The following JMY variants were observed in gnomAD, a reference collection of about 807,000 sequenced individuals.
The protein encoded by JMY is junction-mediating and -regulatory protein.
In JMY, 46 loss-of-function variants were observed where a neutral mutation model predicts 103.3. That is an observed-to-expected ratio of 0.45 (90% CI 0.35 to 0.57). The LOEUF (loss-of-function observed/expected upper bound fraction) is 0.57. Ranked by LOEUF, JMY falls within the 20% of genes least tolerant of loss-of-function variation. JMY has a pLI of 0.00. For synonymous variants in JMY, 526 were observed against 489.3 expected, an observed-to-expected ratio of 1.07 and a Z score of -0.99; for missense variants, 1,238 against 1,255.2, an observed-to-expected ratio of 0.99 and a Z score of 0.21.
intron 1 of JMY, among the ~76,000 whole-genome samples, chr5:79,255,252 A>G (rs529072441): frequency 6.6e-6 from 1 of 151,190 alleles, no homozygotes; most frequent in African/African-American, 2.4e-5. Context: ...ACCCACCACC[A>G]CGCCTGGCTA....
chr5:79,259,854 A>G (rs919457651), intron 1 of JMY, among the ~76,000 whole-genome samples: 20 of 152,176 alleles, frequency 1.3e-4, no homozygotes, highest in African/African-American at 4.8e-4. Flanking sequence ...GAGTGCAGAG[A>G]TGCCTGGATC....
intron 1 of JMY, among the ~76,000 whole-genome samples, chr5:79,249,405 T>C (rs1056258484): frequency 6.6e-6 from 1 of 152,204 alleles, no homozygotes; most frequent in Admixed American, 6.5e-5. Context: ...AAGGAAATGA[T>C]ATGCCAGCTC....
intron 1 of JMY, among the ~76,000 whole-genome samples, chr5:79,262,549 TTGAAA>T (rs1251395186): frequency 6.6e-6 from 1 of 152,258 alleles, no homozygotes; most frequent in African/African-American, 2.4e-5. Context: ...ATTGTATCTT[TTGAAA>T]TGAAGTTATA....
At chr5:79,252,200 T>G (rs768294188) in intron 1 of JMY, among the ~76,000 whole-genome samples, 1 of 152,240 alleles carries the variant, frequency 6.6e-6, no homozygotes, top group Non-Finnish European at 1.5e-5. Context: ...ATTTTCCTTC[T>G]TAATTTCTTC....
rs1746884340 is a variant in JMY at position 79,306,449 on chromosome 5, C to A, written c.1956C>A (p.His652Gln). The change falls in exon 7 of 11, where the codon CAC becomes CAA. Residue 652 changes from histidine to glutamine, a missense_variant. His to Gln is a conservative substitution (Grantham distance 24, BLOSUM62 0). Coordinates refer to ENST00000396137, the MANE Select transcript of JMY (RefSeq NM_152405.5). ...TRIEDEYRTHHTVQLKREKLH... is the reference protein window; with the variant it reads ...TRIEDEYRTHQTVQLKREKLH... Reference sequence around the variant, plus strand: ...TTGAAGATGAATATAGAACCCATCACACAGTACAACTAGTAAGTTTGGATT... The same window carrying A: ...TTGAAGATGAATATAGAACCCATCAAACAGTACAACTAGTAAGTTTGGATT... The A allele has an allele frequency of 6.2e-7, 1 of 1,609,456 alleles. No individual in the cohort carries two copies. Among genetic ancestry groups the A allele is most frequent in the Non-Finnish European group, 8.5e-7 (1 of 1,176,272 alleles).
chr5:79,258,716 T>C (rs1745330477), intron 1 of JMY, among the ~76,000 whole-genome samples: 1 of 151,962 alleles, frequency 6.6e-6, no homozygotes, highest in African/African-American at 2.4e-5. Flanking sequence ...GGGAATGCAG[T>C]GTGGTGCCTG....
chr5:79,281,353 ATTT>A lies in JMY; in HGVS notation c.1206+3294_1206+3296del, dbSNP rs35881012. ...GTCACTGTGCCCAGCCAAGAAATTA[ATTT>A]TTTTTTTTTTTTTTTTTTTTTTTAC... On this transcript the variant is annotated intron_variant, in intron 2 of 10. Coordinates refer to ENST00000396137, the MANE Select transcript of JMY (RefSeq NM_152405.5). Among the ~76,000 whole-genome samples the A allele has an allele frequency of 4.5e-3, 525 of 116,708 alleles. 3 individuals are homozygous for A. The highest frequency in any genetic ancestry group is 9.9e-3 in the Middle Eastern group (2 of 202). The allele number at this position is 116,708 out of a possible 152,430, so 76.6% of individuals were successfully genotyped here. A position where few individuals can be genotyped will look rare whatever the true frequency, so the allele number is the denominator to read the frequency against.
intron 1 of JMY, among the ~76,000 whole-genome samples, chr5:79,260,109 T>G (rs1745376740): frequency 6.6e-6 from 1 of 152,216 alleles, no homozygotes; most frequent in Non-Finnish European, 1.5e-5. Flanking sequence ...ATGGCAGCCC[T>G]GGCCAGCGCC....
chr5:79,257,697 T>G (rs935670865), intron 1 of JMY, among the ~76,000 whole-genome samples: 17 of 152,316 alleles, frequency 1.1e-4, no homozygotes, highest in Admixed American at 1.1e-3. Flanking sequence ...GCCACCCTGG[T>G]TTTTCTCTTT....
chr5:79,237,159 C>T lies in JMY; in HGVS notation c.509C>T (p.Pro170Leu), dbSNP rs1443965123. 4 of 1,549,072 alleles carry T rather than the reference C, an allele frequency of 2.6e-6. No homozygotes were observed. In the South Asian group the frequency reaches 4.8e-5, roughly 18 times the overall value. The part of the protein sequence containing the change: ...AAGAAAAAAR[P>L]APREAQVSSV... ...GGGGCAGCCGCTGCAGCAGCCCGGC[C>T]GGCGCCCAGAGAGGCCCAGGTGTCC... The change falls in exon 1 of 11, where the codon CCG becomes CTG. Residue 170 changes from proline (P) to leucine (L), a missense_variant. Transcript: ENST00000396137.
intron 1 of JMY, among the ~76,000 whole-genome samples, chr5:79,276,475 G>A (rs1250248451): frequency 1.3e-5 from 2 of 151,906 alleles, no homozygotes; most frequent in Non-Finnish European, 1.5e-5. Context: ...CGTCACCTAG[G>A]CTGCAGTTCT....
rs1258335706 is a variant in JMY at position 79,270,541 on chromosome 5, T to TTACA, written c.1033-7367_1033-7366insCATA. 1.4e-4 allele frequency among the ~76,000 whole-genome samples: 5 copies of TTACA among 34,860 alleles called. 1 individual carries two copies. The highest frequency in any genetic ancestry group is 6.2e-4 in the South Asian group (1 of 1,614). The allele number at this position is 34,860 out of a possible 152,430, so 22.9% of individuals were successfully genotyped here. A position where few individuals can be genotyped will look rare whatever the true frequency, so the allele number is the denominator to read the frequency against. On this transcript the variant is annotated intron_variant, in intron 1 of 10. Transcript: ENST00000396137. ...TTAAAATATATATTTACATAAATAT[T>TTACA]TAAAATGTATATTTACATAAATATT... is the stretch of plus-strand genomic sequence containing the variant.
chr5:79,275,805 T>G (rs1394009888), intron 1 of JMY, among the ~76,000 whole-genome samples: 1 of 152,236 alleles, frequency 6.6e-6, no homozygotes, highest in Admixed American at 6.5e-5. Flanking sequence ...TTTTTTGTTA[T>G]AAAAGCACTT....
intron 1 of JMY, 143 bp downstream of exon 1, chr5:79,237,825 C>A: frequency 1.5e-6 from 1 of 670,642 alleles, no homozygotes; most frequent in Non-Finnish European, 2.5e-6. Flanking sequence ...GGTTCCTGAT[C>A]TACCTTGCCC....
intron 2 of JMY, among the ~76,000 whole-genome samples, chr5:79,281,616 T>G (rs1026103798): frequency 6.6e-6 from 1 of 152,112 alleles, no homozygotes; most frequent in Non-Finnish European, 1.5e-5. Context: ...GGACACAGCA[T>G]GGGTAAATCT....
Position 79,287,422 on chromosome 5 carries a change from T to C in JMY, c.1207-2699T>C, listed in dbSNP as rs1580356177. Among the ~76,000 whole-genome samples, 3 of 152,350 alleles carry C rather than the reference T, an allele frequency of 2.0e-5. No individual in the cohort carries two copies. The South Asian group carries it at 6.2e-4, about 32-fold the overall frequency. On this transcript the variant is annotated intron_variant, in intron 2 of 10. Coordinates refer to ENST00000396137, the MANE Select transcript of JMY (RefSeq NM_152405.5). Reference sequence around the variant, plus strand: ...GTTAGGGGGAACTAGCTTAAGGTTTTAGGTACAATCGACTAATTACGGATC... The same window carrying C: ...GTTAGGGGGAACTAGCTTAAGGTTTCAGGTACAATCGACTAATTACGGATC...
At chr5:79,265,905 C>G (rs570887666) in intron 1 of JMY, among the ~76,000 whole-genome samples, 1 of 152,032 alleles carries the variant, frequency 6.6e-6, no homozygotes, top group Non-Finnish European at 1.5e-5. Context: ...TTCAGCCTCC[C>G]GAGTAGCTGG....
intron 1 of JMY, among the ~76,000 whole-genome samples, chr5:79,239,539 G>T (rs774926484): frequency 6.2e-4 from 95 of 152,264 alleles, no homozygotes; most frequent in Non-Finnish European, 9.9e-4. Flanking sequence ...GGTCGCGGTG[G>T]CTCATGCCTG....
In JMY at chr5:79,237,358, G is replaced by A; in HGVS notation, c.708G>A (p.Gln236=). 1 of 1,611,944 alleles carries A rather than the reference G, an allele frequency of 6.2e-7. No individual in the cohort carries two copies. The highest frequency in any genetic ancestry group is 1.1e-5 in the South Asian group (1 of 90,840). The change falls in exon 1 of 11, where the codon CAG becomes CAA. Residue 236 remains glutamine, a synonymous_variant. Transcript: ENST00000396137. The stretch of plus-strand genomic sequence containing the variant: ...GCTGGGCCGGACTGTTTTCTTTCCA[G>A]GACCTGCGCGCCGTGCACCAGCAGC... ...ECSWAGLFSF[Q]DLRAVHQQLC...
Sources: allele counts gnomAD v4.1 joint callset (sites outside exome capture counted in the v4.1 genomes callset), GRCh38; gene constraint gnomAD v4.1.1; transcripts MANE v1.5; gene names NCBI Gene and HGNC (gene_info 2026-07-23, HGNC 2026-07-21).